Variants in MUC6 observed in about 807,000 individuals in gnomAD.
The protein encoded by MUC6 is mucin-6.
MUC6 carries 188 observed loss-of-function variants against 201.5 expected under a neutral mutation model. That is an observed-to-expected ratio of 0.93 (90% CI 0.83 to 1.05). The LOEUF is 1.05. MUC6 is among the 50% of genes least tolerant of loss of function. The pLI is 0.00. For synonymous variants in MUC6, 1,228 were observed against 1,389.4 expected (o/e 0.88, Z 2.58); for missense variants, 2,706 against 3,256.9 (o/e 0.83, Z 4.12).
chr11:1,024,585 G>A (rs1196189137), intron 24 of MUC6, among the ~76,000 whole-genome samples: 1 of 152,220 alleles, frequency 6.6e-6, no homozygotes, highest in African/African-American at 2.4e-5. Context: ...CTGCCCCAGG[G>A]GACTCGTGGC....
At chr11:1,023,682 G>A (rs72842416) in intron 25 of MUC6, 30 bp from the exon 26 acceptor site, 222,839 of 1,607,574 alleles carry the variant, frequency 0.14, 18,798 homozygotes, top group South Asian at 0.33. Flanking sequence ...CAGCTGGTGG[G>A]GTTCCTGGCC....
Position 1,031,136 on chromosome 11 carries a change from C to T in MUC6, c.574+33G>A, listed in dbSNP as rs1012781322. 10 of 1,012,636 alleles carry T rather than the reference C, an allele frequency of 9.9e-6. No individual in the cohort carries two copies. The African/African-American group carries it at 1.8e-4, about 18-fold the overall frequency. 62.7% of individuals were successfully genotyped at this position (1,012,636 alleles called of 1,614,324 possible). A position where few individuals can be genotyped will look rare whatever the true frequency, so the allele number is the denominator to read the frequency against. On this transcript the variant is annotated intron_variant, in intron 5 of 32. Coordinates refer to ENST00000421673, the MANE Select transcript of MUC6 (RefSeq NM_005961.3). The stretch of plus-strand genomic sequence containing the variant: ...TGCCCTGCCCCCCACCTAGAGGCCC[C>T]CCCAGAGGCCCCCCAGCCCTGCCCC...
rs964656726 is a variant in MUC6 at position 1,025,242 on chromosome 11, G to A, written c.2925C>T (p.Asn975=). 2 of 1,612,726 alleles carry A rather than the reference G, an allele frequency of 1.2e-6. No individual in the cohort carries two copies. The highest frequency in any genetic ancestry group is 1.3e-5 in the African/African-American group (1 of 74,946). The stretch of plus-strand genomic sequence containing the variant: ...TGTGCCTGTTCCAGATGAGCGTCAG[G>A]TTGTACCTCCCGGGGATGCTGATGT... ...VVDISIPGRY[N]LTLIWNRHMT... Residue 975 remains asparagine, a synonymous_variant, in exon 23 of 33, where the codon AAC becomes AAT. Transcript: ENST00000421673.
At position 1,030,258 on chromosome 11, in the gene MUC6, G is replaced by T; in HGVS notation, c.970C>A (p.His324Asn). 6.4e-7 allele frequency: 1 copy of T among 1,550,480 alleles called. No homozygotes were observed. Among genetic ancestry groups the T allele is most frequent in the Non-Finnish European group, 8.7e-7 (1 of 1,147,274 alleles). Residue 324 changes from histidine to asparagine, a missense_variant, in exon 8 of 33, where the codon CAC becomes AAC. His to Asn is a moderately conservative substitution (Grantham distance 68). This residue lies in a region of MUC6 where 1,850 missense variants were observed against 1,958.3 expected (regional missense o/e 0.94). Transcript: ENST00000421673. ...AAGGTGCAGGAGCTGGAGCAGCTGT[G>T]CTGCGGGTTGGAGCAGGTCTTCACG... ...ACVKTCSNPQ[H>N]SCSSSCTFGC...
chr11:1,022,373 C>T (rs1226714153), intron 26 of MUC6, among the ~76,000 whole-genome samples: 1 of 152,102 alleles, frequency 6.6e-6, no homozygotes, highest in Non-Finnish European at 1.5e-5. Flanking sequence ...AGCCCGCGCC[C>T]CTCACTCGCT....
intron 6 of MUC6, 52 bp from the exon 7 acceptor site, chr11:1,030,832 A>G: frequency 6.6e-7 from 1 of 1,525,400 alleles, no homozygotes; most frequent in Non-Finnish European, 8.8e-7. Context: ...CCATGCCACC[A>G]CGACTGGGGA....
Position 1,023,961 on chromosome 11 carries a change from G to T in MUC6, c.3368C>A (p.Thr1123Asn). The T allele has an allele frequency of 1.2e-6, 2 of 1,612,558 alleles. No individual in the cohort carries two copies. The highest frequency in any genetic ancestry group is 1.7e-6 in the Non-Finnish European group (2 of 1,179,628). Residue 1123 changes from threonine to asparagine, a missense_variant, in exon 25 of 33, where the codon ACC becomes AAC. Coordinates refer to ENST00000421673, the MANE Select transcript of MUC6 (RefSeq NM_005961.3). ...LDKGVCVDWR[T>N]PAFCPIYCGF... is the part of the protein sequence containing the mutation. ...TGGTCACTCACGGCAGAAGGCCGGG[G>T]TCCTCCAGTCCACGCACACACCCTT...
intron 22 of MUC6, among the ~76,000 whole-genome samples, 172 bp downstream of exon 22, chr11:1,025,633 G>A (rs921078338): frequency 1.3e-5 from 2 of 152,176 alleles, no homozygotes; most frequent in Admixed American, 1.3e-4. Context: ...ACAAGCACCC[G>A]TGGTCCTGAG....
chr11:1,017,845 C>A lies in MUC6; in HGVS notation c.4956G>T (p.Thr1652=), dbSNP rs74610224. ...SASIHSMPTG[T]IPPPTTLKAT... is the part of the protein sequence containing the mutation. The stretch of plus-strand genomic sequence containing the variant: ...CCTTGAGCGTTGTCGGTGGAGGAAT[C>A]GTGCCTGTTGGCATTGAGTGGATGG... Residue 1652 remains threonine, a synonymous_variant, in exon 31 of 33, where the codon ACG becomes ACT. Coordinates refer to ENST00000421673, the MANE Select transcript of MUC6 (RefSeq NM_005961.3). 1.3e-6 allele frequency: 2 copies of A among 1,582,354 alleles called. No homozygotes were observed. The highest frequency in any genetic ancestry group is 1.7e-5 in the Admixed American group (1 of 58,082).
At position 1,016,028 on chromosome 11, in the gene MUC6, G is replaced by A; in HGVS notation, c.6773C>T (p.Thr2258Ile). The A allele has an allele frequency of 6.2e-7, 1 of 1,609,920 alleles. No individual in the cohort carries two copies. Among genetic ancestry groups the A allele is most frequent in the Non-Finnish European group, 8.5e-7 (1 of 1,177,250 alleles). Residue 2258 changes from threonine (T) to isoleucine (I), a missense_variant, in exon 31 of 33, where the codon ACC becomes ATC. Coordinates refer to ENST00000421673, the MANE Select transcript of MUC6 (RefSeq NM_005961.3). ...AGAGGAGAAGGCAGGGGCGGTGTGG[G>A]TGCTGGCCGTGGTCCTGGGCGTGGA... ...FPSTPRTTAS[T>I]HTAPAFSSQS...
At chr11:1,019,962 C>G (rs1270329331) in intron 29 of MUC6, 128 bp downstream of exon 29, 3 of 1,260,904 alleles carry the variant, frequency 2.4e-6, no homozygotes, top group African/African-American at 1.5e-5. Flanking sequence ...ATAGGAAGTT[C>G]TACGCTGGGA....
chr11:1,023,112 A>C (rs1434947159), intron 26 of MUC6, among the ~76,000 whole-genome samples: 1 of 149,086 alleles, frequency 6.7e-6, no homozygotes, highest in African/African-American at 2.5e-5. Context: ...GGATGAATGG[A>C]GTGAATGTGC....
chr11:1,029,715 G>A, intron 8 of MUC6, 100 bp from the exon 9 acceptor site: 2 of 1,440,794 alleles, frequency 1.4e-6, no homozygotes, highest in Non-Finnish European at 1.8e-6. Context: ...TGGCTCCAGG[G>A]AGACGCCCCC....
rs750929543 is a variant in MUC6, at chr11:1,028,061, T to A, written c.1754-2A>T. 1.0e-5 allele frequency: 16 copies of A among 1,569,194 alleles called. No individual in the cohort carries two copies. Among genetic ancestry groups the A allele is most frequent in the Non-Finnish European group, 1.4e-5 (16 of 1,157,520 alleles). ...AGCAGTGGGTCTCTGCACACACCTC[T>A]GGGGATGACAGGCCCGGGCGTGAGT... On this transcript the variant is annotated splice_acceptor_variant, in intron 14 of 32. Coordinates refer to ENST00000421673, the MANE Select transcript of MUC6 (RefSeq NM_005961.3). LOFTEE classifies it high-confidence loss of function.
At chr11:1,024,775 G>GC in intron 24 of MUC6, 69 bp downstream of exon 24, 1 of 1,241,744 alleles carries the variant, frequency 8.1e-7, no homozygotes, top group East Asian at 2.9e-5. Flanking sequence ...TGGCTTCCCC[G>GC]CCCCTTCCCC....
chr11:1,018,305 G>A lies in MUC6; in HGVS notation c.4496C>T (p.Ala1499Val), dbSNP rs558451313. 1.2e-6 allele frequency: 2 copies of A among 1,613,810 alleles called. No homozygotes were observed. The highest frequency in any genetic ancestry group is 8.5e-7 in the Non-Finnish European group (1 of 1,179,818). Residue 1499 changes from alanine to valine, a missense_variant, in exon 31 of 33, where the codon GCC (alanine) becomes GTC (valine). By Grantham distance (64) the Ala-to-Val change is moderately conservative (BLOSUM62 0). Transcript: ENST00000421673. The stretch of plus-strand genomic sequence containing the variant: ...ACTGGTGGTCGGCGTTATTGGTGGG[G>A]CTGTGTGGGTGGACCCTGTGGCCTT... ...TLKATGSTHT[A>V]PPITPTTSGT...
chr11:1,021,878 T>C lies in MUC6; in HGVS notation c.3527-601A>G, dbSNP rs114845245. On this transcript the variant is annotated intron_variant, in intron 26 of 32. Transcript: ENST00000421673. ...TCTGTCCTCTGTGTGTCCGGATGGC[T>C]CCAGACACCACCCTCCTCCACCACT... Among the ~76,000 whole-genome samples, 382 of 152,052 alleles carry C rather than the reference T, an allele frequency of 2.5e-3. 3 individuals carry two copies. The highest frequency in any genetic ancestry group is 9.0e-3 in the African/African-American group (374 of 41,454).
rs1375180844 is a variant in MUC6, at chr11:1,027,805, G to A, written c.1861C>T (p.Gln621Ter). ...AAGGTCTCCTCGTAGTTGCAGGCCT[G>A]GTACACGCACCTCTGCGGGCAGAGA... Reference protein sequence around the residue: ...PAPFYKRCVYQACNYEETFPH... With the variant: ...PAPFYKRCVY Residue 621 changes from glutamine (Q) to a stop codon, truncating the protein, a stop_gained, in exon 16 of 33, where the codon CAG becomes TAG. Coordinates refer to ENST00000421673, the MANE Select transcript of MUC6 (RefSeq NM_005961.3). LOFTEE classifies it high-confidence loss of function. The A allele has an allele frequency of 6.2e-7, 1 of 1,610,736 alleles. No individual in the cohort carries two copies. The highest frequency in any genetic ancestry group is 8.5e-7 in the Non-Finnish European group (1 of 1,179,430).
rs1327443176 is a variant in MUC6, at chr11:1,019,296, A to T, written c.4009T>A (p.Ser1337Thr). ...TTACGCAGCGTGGGGCTTGTCCCTG[A>T]TGTGGCTGGGGTTGGTAGTGTCATT... ...TTMTLPTPAT[S>T]GTSPTLPKST... Residue 1337 changes from serine (S) to threonine (T), a missense_variant, in exon 30 of 33, where the codon TCA becomes ACA. Ser to Thr is a moderately conservative substitution (Grantham distance 58, BLOSUM62 1). Around this residue, in one of 10 missense-constraint regions of MUC6, gnomAD observed 1,850 missense variants for 1,958.3 expected, o/e 0.94. Transcript: ENST00000421673. 8 of 1,613,814 alleles carry T rather than the reference A, an allele frequency of 5.0e-6. No individual in the cohort carries two copies. In the African/African-American group the frequency reaches 9.3e-5, roughly 19 times the overall value.
Sources: gnomAD v4.1 joint callset for allele counts (sites outside exome capture counted in the v4.1 genomes callset) on GRCh38, gnomAD v4.1.1 for gene constraint, gnomAD v4.1.1 regional missense constraint, MANE v1.5 for transcripts, NCBI Gene and HGNC (gene_info 2026-07-23, HGNC 2026-07-21) for gene names.